ELL: variants seen among roughly 807,000 people sequenced by gnomAD.
ELL encodes the protein elongation factor for RNA polymerase II.
Under a neutral mutation model 64.0 loss-of-function variants are expected in ELL, and 18 were observed. That is an observed-to-expected ratio of 0.28 (90% CI 0.19 to 0.42). The LOEUF (loss-of-function observed/expected upper bound fraction) is 0.42. Ranked by LOEUF, ELL falls within the 10% of genes least tolerant of loss-of-function variation. The pLI, the probability that ELL is intolerant of heterozygous loss-of-function variation, is 1.00. For synonymous variants in ELL, 399 were observed against 376.2 expected (o/e 1.06, Z -0.70); for missense variants, 797 against 870.4 (o/e 0.92, Z 1.06).
At chr19:18,480,490 GGGCAGGACCCAC>G (rs1975277102) in intron 1 of ELL, among the ~76,000 whole-genome samples, 2 of 152,202 alleles carry the variant, frequency 1.3e-5, no homozygotes, top group African/African-American at 4.8e-5. Context: ...GCAGAGCAGA[GGGCAGGACCCAC>G]GGCAGCTCCT....
intron 1 of ELL, among the ~76,000 whole-genome samples, chr19:18,500,203 A>G (rs1489321189): frequency 6.6e-6 from 1 of 150,754 alleles, no homozygotes; most frequent in Non-Finnish European, 1.5e-5. Flanking sequence ...CGGAGGTTGC[A>G]GTGAGCTGAG....
At chr19:18,472,598 G>A (rs1056868530) in intron 2 of ELL, 7 of 527,780 alleles carry the variant, frequency 1.3e-5, no homozygotes, top group African/African-American at 1.2e-4. Context: ...TGCATGAAGG[G>A]AGCCACTGGG....
intron 2 of ELL, among the ~76,000 whole-genome samples, chr19:18,467,798 A>C (rs1302487351): frequency 1.7e-5 from 1 of 59,092 alleles, no homozygotes; most frequent in African/African-American, 7.8e-5. Flanking sequence ...ACAACCACAC[A>C]ATCCCCCCAC....
intron 1 of ELL, among the ~76,000 whole-genome samples, chr19:18,507,655 G>T (rs1446939688): frequency 6.6e-6 from 1 of 152,244 alleles, no homozygotes; most frequent in African/African-American, 2.4e-5. Flanking sequence ...CCATGTGAGC[G>T]CAGGGGCTTC....
At chr19:18,482,531 T>G (rs1212800629) in intron 1 of ELL, among the ~76,000 whole-genome samples, 1 of 151,890 alleles carries the variant, frequency 6.6e-6, no homozygotes, top group Admixed American at 6.6e-5. Flanking sequence ...CGAGACGGGT[T>G]TTCACCATGT....
At chr19:18,513,563 T>C (rs1459984303) in intron 1 of ELL, among the ~76,000 whole-genome samples, 1 of 152,112 alleles carries the variant, frequency 6.6e-6, no homozygotes, top group East Asian at 1.9e-4. Flanking sequence ...TTTAGGTACA[T>C]TGCAGGCTTT....
chr19:18,468,080 C>G (rs1437774392), intron 2 of ELL, among the ~76,000 whole-genome samples: 3 of 148,600 alleles, frequency 2.0e-5, no homozygotes, highest in Non-Finnish European at 4.5e-5. Flanking sequence ...CCACACCAAA[C>G]CCCTCCACAC....
rs773327507 is a variant in ELL, at chr19:18,459,521, A to AT, written c.745-1193dup. ...CGTCACAGCGTATCCCATGGGGAGC[A>AT]TTTTTTTTTTTTTTTTGAGATGGAG... On this transcript the variant is annotated intron_variant, in intron 5 of 11. Transcript: ENST00000262809. 5.0e-3 allele frequency among the ~76,000 whole-genome samples: 692 copies of AT among 138,288 alleles called. 2 individuals carry two copies. Among genetic ancestry groups the AT allele is most frequent in the African/African-American group, 0.011 (402 of 37,534 alleles). 90.7% of individuals were successfully genotyped at this position (138,288 alleles called of 152,430 possible).
intron 5 of ELL, 33 bp downstream of exon 5, chr19:18,461,545 C>A (rs117956919): frequency 2.6e-6 from 4 of 1,568,054 alleles, no homozygotes; most frequent in East Asian, 2.2e-5. Context: ...GCGGAGACCA[C>A]TGGTAAAGAC....
At chr19:18,472,449 G>A in intron 2 of ELL, 2 of 235,830 alleles carry the variant, frequency 8.5e-6, no homozygotes, top group Non-Finnish European at 1.6e-5. Context: ...AACAGGCTCA[G>A]CTGACAGGAG....
rs1161388059 is a variant in ELL at position 18,501,408 on chromosome 19, AC to A, written c.135+20512del. On this transcript the variant is annotated intron_variant, in intron 1 of 11. Coordinates refer to ENST00000262809, the MANE Select transcript of ELL (RefSeq NM_006532.4). This position sits in a 1 kb window ranked among gnomAD's most constrained non-coding sequence, Gnocchi z 4.5. ...GTGGGAAAGGGCCTGGGATGGGCCCACTGTTGGCGAGGAGGGGCCCACGCCT... is the reference window on the plus strand; with the variant it reads ...GTGGGAAAGGGCCTGGGATGGGCCCATGTTGGCGAGGAGGGGCCCACGCCT... 6.6e-6 allele frequency among the ~76,000 whole-genome samples: 1 copy of A among 152,244 alleles called. No homozygotes were observed. Among genetic ancestry groups the A allele is most frequent in the Non-Finnish European group, 1.5e-5 (1 of 68,038 alleles).
At chr19:18,482,061 G>A (rs1174382223) in intron 1 of ELL, among the ~76,000 whole-genome samples, 3 of 152,162 alleles carry the variant, frequency 2.0e-5, no homozygotes, top group Non-Finnish European at 4.4e-5. Context: ...TGGTAGGTGT[G>A]TGGTGCAGTG....
At chr19:18,451,060 C>T in intron 7 of ELL, 85 bp from the exon 8 acceptor site, 1 of 1,415,214 alleles carries the variant, frequency 7.1e-7, no homozygotes, top group East Asian at 2.5e-5. Flanking sequence ...CTAGAAAACC[C>T]AACGCCGCCT....
intron 1 of ELL, among the ~76,000 whole-genome samples, chr19:18,491,694 C>T (rs555320400): frequency 3.3e-5 from 5 of 152,146 alleles, no homozygotes; most frequent in South Asian, 2.1e-4. Flanking sequence ...GCAGGAGGAT[C>T]GTTTGAGCCC....
Position 18,446,300 on chromosome 19 carries a change from G to A in ELL, c.1704+9C>T. 1 of 1,564,620 alleles carries A rather than the reference G, an allele frequency of 6.4e-7. No individual in the cohort carries two copies. The highest frequency in any genetic ancestry group is 1.2e-5 in the South Asian group (1 of 85,850). The stretch of plus-strand genomic sequence containing the variant: ...AGCCAGGGCACAGTAGGCAGCGGGG[G>A]GGCTCTACCTCATACTCCTCGGAGC... On this transcript the variant is annotated intron_variant, in intron 10 of 11. Coordinates refer to ENST00000262809, the MANE Select transcript of ELL (RefSeq NM_006532.4).
At chr19:18,477,381 C>G (rs1254264442) in intron 1 of ELL, among the ~76,000 whole-genome samples, 1 of 152,160 alleles carries the variant, frequency 6.6e-6, no homozygotes, top group African/African-American at 2.4e-5. Context: ...ATCCCACGTG[C>G]AAGTAACTGG....
In ELL at chr19:18,486,446, C is replaced by G. The variant is rs139797925; in HGVS notation, c.136-13564G>C. 7.4e-4 allele frequency among the ~76,000 whole-genome samples: 112 copies of G among 152,282 alleles called. 1 individual carries two copies. Among genetic ancestry groups the G allele is most frequent in the African/African-American group, 2.3e-3 (96 of 41,568 alleles). On this transcript the variant is annotated intron_variant, in intron 1 of 11. Transcript: ENST00000262809. ...GACCCAGGTCAGAAGGAGATGGCAG[C>G]TTGCCAAGCTACCAAGGCACACACT...
Position 18,444,493 on chromosome 19 carries a change from C to G in ELL, c.*259G>C, listed in dbSNP as rs1974366859. 3 of 450,206 alleles carry G rather than the reference C, an allele frequency of 6.7e-6. No individual in the cohort carries two copies. In the Admixed American group the frequency reaches 1.2e-4, roughly 18 times the overall value. The allele number at this position is 450,206 out of a possible 1,614,324, so 27.9% of individuals were successfully genotyped here. A position where few individuals can be genotyped will look rare whatever the true frequency, so the allele number is the denominator to read the frequency against. On this transcript the variant is annotated 3_prime_UTR_variant, in exon 12 of 12. Coordinates refer to ENST00000262809, the MANE Select transcript of ELL (RefSeq NM_006532.4). ...CTTCTGGCGAGACAGGAGGCTGAAC[C>G]CCGGAGGCTGCAGCCAGGGAGGAGG...
chr19:18,475,196 T>C (rs989877166), intron 1 of ELL, among the ~76,000 whole-genome samples: 2 of 151,994 alleles, frequency 1.3e-5, no homozygotes, highest in Non-Finnish European at 2.9e-5. Context: ...AATTAAGGTG[T>C]GAAAAGACAC....
Sources: gnomAD v4.1 joint callset for allele counts (sites outside exome capture counted in the v4.1 genomes callset) on GRCh38, gnomAD v4.1.1 for gene constraint, Gnocchi (gnomAD v3.1) non-coding constraint, MANE v1.5 for transcripts, NCBI Gene and HGNC (gene_info 2026-07-23, HGNC 2026-07-21) for gene names.